AGBL1: variants seen among roughly 807,000 people sequenced by gnomAD.
The protein encoded by AGBL1 is cytosolic carboxypeptidase 4.
Under a neutral mutation model 118.9 loss-of-function variants are expected in AGBL1, and 130 were observed. The observed-to-expected ratio is 1.09, with a 90% CI of 0.95 to 1.26. The LOEUF (loss-of-function observed/expected upper bound fraction) is 1.26, where lower values mean the gene tolerates loss of function less well. Ranked by LOEUF, AGBL1 falls within the 50% of genes most tolerant of loss-of-function variation. The pLI, the probability that AGBL1 is intolerant of heterozygous loss-of-function variation, is 0.00. For missense variants in AGBL1, 1,584 were observed against 1,298.1 expected, an observed-to-expected ratio of 1.22 and a Z score of -3.38; for synonymous variants, 555 against 478.9, an observed-to-expected ratio of 1.16 and a Z score of -2.08.
chr15:86,638,722 G>A (rs1247483185), intron 21 of AGBL1, among the ~76,000 whole-genome samples: 1 of 152,152 alleles, frequency 6.6e-6, no homozygotes, highest in Non-Finnish European at 1.5e-5. Flanking sequence ...GAAAGAAGAG[G>A]TAAACATAGG....
intron 1 of AGBL1, among the ~76,000 whole-genome samples, chr15:86,122,142 T>C (rs1316344291): frequency 6.6e-6 from 1 of 152,188 alleles, no homozygotes; most frequent in African/African-American, 2.4e-5. Context: ...AATCTACTGC[T>C]GATGGAAAAT....
intron 21 of AGBL1, among the ~76,000 whole-genome samples, chr15:86,625,385 G>GT (rs3083710): frequency 1.2e-4 from 8 of 68,198 alleles, no homozygotes; most frequent in Admixed American, 1.9e-4. Flanking sequence ...TTTTGTTTTT[G>GT]TTTTTTTTTT....
In AGBL1 at chr15:86,742,749, T is replaced by A. The variant is rs148034575; in HGVS notation, c.3158+68313T>A. On this transcript the variant is annotated intron_variant, in intron 22 of 22. Transcript: ENST00000614907. ...TCCTTCAGTGCTCTATTCATTCCTC[T>A]GATAGAATCTGGGTAAATACAAGTC... 3.1e-3 allele frequency among the ~76,000 whole-genome samples: 470 copies of A among 152,266 alleles called. 1 individual carries two copies. The highest frequency in any genetic ancestry group is 0.011 in the African/African-American group (440 of 41,556).
At chr15:86,848,509 T>C (rs2079351551) in intron 22 of AGBL1, among the ~76,000 whole-genome samples, 1 of 152,210 alleles carries the variant, frequency 6.6e-6, no homozygotes, top group Non-Finnish European at 1.5e-5. Flanking sequence ...ATCATCTTGA[T>C]CCATATCTTT....
intron 22 of AGBL1, among the ~76,000 whole-genome samples, chr15:86,809,245 C>G (rs10520640): frequency 0.4 from 60,237 of 151,964 alleles, 13,712 homozygotes; most frequent in Non-Finnish European, 0.52. Context: ...TGTAGCTCTT[C>G]TCGTTTTTCT....
chr15:86,863,022 T>C (rs1436434519), intron 22 of AGBL1, among the ~76,000 whole-genome samples: 2 of 152,146 alleles, frequency 1.3e-5, no homozygotes, highest in Non-Finnish European at 2.9e-5. Flanking sequence ...AGGGTAGAAT[T>C]AGCAGTCCAG....
intron 18 of AGBL1, among the ~76,000 whole-genome samples, chr15:86,495,493 T>C (rs1271393116): frequency 6.6e-6 from 1 of 151,834 alleles, no homozygotes; most frequent in African/African-American, 2.4e-5. Context: ...AGCATTATTT[T>C]CTTATATTTC....
chr15:86,389,797 G>A (rs1012672151), intron 17 of AGBL1, among the ~76,000 whole-genome samples: 4 of 151,610 alleles, frequency 2.6e-5, no homozygotes, highest in Admixed American at 6.6e-5. Flanking sequence ...GCTAATAGAG[G>A]AGAAAAAAGA....
At chr15:86,424,596 C>T (rs1392596534) in intron 18 of AGBL1, among the ~76,000 whole-genome samples, 2 of 152,190 alleles carry the variant, frequency 1.3e-5, no homozygotes, top group African/African-American at 4.8e-5. Flanking sequence ...TCAGAGTGAA[C>T]AGGCAACCTA....
chr15:86,629,991 C>T (rs1199040978), intron 21 of AGBL1, among the ~76,000 whole-genome samples: 1 of 152,196 alleles, frequency 6.6e-6, no homozygotes, highest in African/African-American at 2.4e-5. Context: ...AAAGCAGATG[C>T]TTATTGCAAT....
intron 21 of AGBL1, among the ~76,000 whole-genome samples, chr15:86,600,257 C>G (rs552875985): frequency 2.0e-5 from 3 of 152,202 alleles, no homozygotes; most frequent in East Asian, 1.9e-4. Context: ...AATGCTTAGT[C>G]TGGAAAGTGA....
chr15:86,390,618 G>A lies in AGBL1; in HGVS notation c.2375-6748G>A, dbSNP rs187337109. ...CATAGATAGCTCCCAAAAGTATTAT[G>A]CTAAGTTAAAGAAGCCAGGCAGAAA... On this transcript the variant is annotated intron_variant, in intron 17 of 22. Coordinates refer to ENST00000614907, the MANE Select transcript of AGBL1 (RefSeq NM_001386094.1). Among the ~76,000 whole-genome samples the A allele has an allele frequency of 1.5e-3, 213 of 146,634 alleles. 2 individuals are homozygous for A. Among genetic ancestry groups the A allele is most frequent in the Admixed American group, 0.011 (157 of 14,628 alleles).
chr15:86,520,464 G>T (rs1172342759), intron 18 of AGBL1, among the ~76,000 whole-genome samples: 1 of 152,082 alleles, frequency 6.6e-6, no homozygotes, highest in Non-Finnish European at 1.5e-5. Context: ...TCTGGTTTCA[G>T]CACAAAACTT....
rs1284637484 is a variant in AGBL1, at chr15:86,143,576, A to G, written c.116-123A>G. 4 of 1,242,182 alleles carry G rather than the reference A, an allele frequency of 3.2e-6. 1 individual carries two copies. In the South Asian group the frequency reaches 6.0e-5, roughly 19 times the overall value. 76.9% of individuals were successfully genotyped at this position (1,242,182 alleles called of 1,614,324 possible). ...TAACACAGGTTGCTTCAAGAACTAC[A>G]TAATTTTACGTAGTTGAAATGAACT... On this transcript the variant is annotated intron_variant, in intron 2 of 22. Transcript: ENST00000614907.
intron 18 of AGBL1, among the ~76,000 whole-genome samples, chr15:86,491,199 G>A (rs1229856877): frequency 6.6e-6 from 1 of 152,098 alleles, no homozygotes; most frequent in Non-Finnish European, 1.5e-5. Context: ...GGAAATTAGT[G>A]TCATTAAGCC....
Position 86,977,999 on chromosome 15 carries a change from G to C in AGBL1, c.3222-9988G>C, listed in dbSNP as rs553402457. 9.2e-5 allele frequency among the ~76,000 whole-genome samples: 14 copies of C among 152,192 alleles called. No individual in the cohort carries two copies. The South Asian group carries it at 2.5e-3, about 27-fold the overall frequency. On this transcript the variant is annotated intron_variant, in intron 23 of 24. Transcript: ENST00000441037. ...TCAAAATTATCTTCTAAGCTATCAT[G>C]TTTCTAAGACTATCATGTAGTCTTT...
intron 1 of AGBL1, among the ~76,000 whole-genome samples, chr15:86,137,673 A>G (rs892131943): frequency 3.3e-5 from 5 of 151,882 alleles, no homozygotes; most frequent in African/African-American, 1.2e-4. Context: ...TCTATTTCTG[A>G]TCTGGGTTCA....
At chr15:86,149,863 C>A (rs921546506) in intron 3 of AGBL1, among the ~76,000 whole-genome samples, 2 of 152,150 alleles carry the variant, frequency 1.3e-5, no homozygotes, top group Non-Finnish European at 1.5e-5. Context: ...CTAAAATAGA[C>A]CACATAATTG....
intron 18 of AGBL1, among the ~76,000 whole-genome samples, chr15:86,515,035 G>A (rs1185578878): frequency 6.6e-6 from 1 of 151,908 alleles, no homozygotes. Flanking sequence ...TCTCCTTTAT[G>A]GAAATTTACC....
Sources: allele counts gnomAD v4.1 joint callset (sites outside exome capture counted in the v4.1 genomes callset), GRCh38; gene constraint gnomAD v4.1.1; transcripts MANE v1.5; gene names NCBI Gene and HGNC (gene_info 2026-07-23, HGNC 2026-07-21).